The following TNR variants were observed in gnomAD, a reference collection of about 807,000 sequenced individuals.
TNR encodes the protein tenascin R.
A neutral mutation model predicts 150.4 loss-of-function variants in TNR; 45 were observed. The ratio of observed to expected loss-of-function variants is 0.30; its 90% CI spans 0.24 to 0.38. The LOEUF (loss-of-function observed/expected upper bound fraction) is 0.38. Among genes scored for constraint, TNR ranks in the 10% least tolerant of loss-of-function variants. TNR has a pLI of 1.00. For missense variants in TNR, 1,544 were observed against 1,759.1 expected, an observed-to-expected ratio of 0.88 and a Z score of 2.19; for synonymous variants, 687 against 678.4, an observed-to-expected ratio of 1.01 and a Z score of -0.20.
chr1:175,668,689 G>A (rs1014312617), intron 1 of TNR, among the ~76,000 whole-genome samples: 6 of 152,172 alleles, frequency 3.9e-5, no homozygotes, highest in African/African-American at 1.4e-4. Flanking sequence ...CACCTACCGT[G>A]ACCGGCACCA....
intron 1 of TNR, among the ~76,000 whole-genome samples, chr1:175,697,893 G>T (rs1666580445): frequency 6.6e-6 from 1 of 152,168 alleles, no homozygotes; most frequent in South Asian, 2.1e-4. Context: ...GGTGACTAAG[G>T]CTCAGAATGG....
At chr1:175,696,248 A>C (rs1666521141) in intron 1 of TNR, among the ~76,000 whole-genome samples, 1 of 114,632 alleles carries the variant, frequency 8.7e-6, no homozygotes, top group Non-Finnish European at 1.7e-5. Context: ...TTTTTTTCCA[A>C]AATTTAAGGG....
intron 1 of TNR, among the ~76,000 whole-genome samples, chr1:175,638,314 T>C (rs1429017527): frequency 6.6e-6 from 1 of 152,210 alleles, no homozygotes; most frequent in Non-Finnish European, 1.5e-5. Flanking sequence ...ACTGTGGCAC[T>C]CTTGGGCAGG....
chr1:175,514,508 CA>C (rs1273160192), intron 2 of TNR, among the ~76,000 whole-genome samples: 3 of 152,198 alleles, frequency 2.0e-5, no homozygotes, highest in Admixed American at 6.5e-5. Context: ...AACAGGAAAC[CA>C]ATACACAGAT....
intron 19 of TNR, among the ~76,000 whole-genome samples, chr1:175,336,671 T>A (rs961672451): frequency 1.3e-5 from 2 of 152,172 alleles, no homozygotes; most frequent in African/African-American, 4.8e-5. Context: ...GGAAACAGTG[T>A]CTCTCTTTTC....
intron 2 of TNR, among the ~76,000 whole-genome samples, chr1:175,447,559 T>C (rs1174101018): frequency 6.6e-6 from 1 of 152,186 alleles, no homozygotes; most frequent in Non-Finnish European, 1.5e-5. Flanking sequence ...AATCAGCAAA[T>C]TGAAAAGTCT....
rs149305871 is a variant in TNR, at chr1:175,543,451, G to A, written c.-164-15082C>T. On this transcript the variant is annotated intron_variant, in intron 1 of 22. Coordinates refer to ENST00000367674, the MANE Select transcript of TNR (RefSeq NM_003285.3). ...AGTTAGTCCTCCAGCATAGGAAGGG[G>A]ACCTAGAGCCAGAGAGCAGCCAGAG... Among the ~76,000 whole-genome samples, 1,145 of 152,262 alleles carry A rather than the reference G, an allele frequency of 7.5e-3. 6 individuals are homozygous for A. Among genetic ancestry groups the A allele is most frequent in the Non-Finnish European group, 0.014 (922 of 68,032 alleles).
intron 2 of TNR, among the ~76,000 whole-genome samples, chr1:175,497,306 T>A (rs1466881197): frequency 6.6e-6 from 1 of 152,172 alleles, no homozygotes; most frequent in Non-Finnish European, 1.5e-5. Flanking sequence ...GCTTGCCCCA[T>A]CTCCCTCTCT....
chr1:175,625,107 A>G (rs982407579), intron 1 of TNR, among the ~76,000 whole-genome samples: 4 of 152,226 alleles, frequency 2.6e-5, no homozygotes, highest in African/African-American at 9.7e-5. Flanking sequence ...AGGGACCTCT[A>G]CTTACCTGAA....
intron 21 of TNR, among the ~76,000 whole-genome samples, chr1:175,325,767 G>A (rs1202962499): frequency 2.0e-5 from 3 of 151,682 alleles, no homozygotes; most frequent in Non-Finnish European, 2.9e-5. Context: ...CTATCTCAAG[G>A]ACAGAAAACC....
intron 1 of TNR, among the ~76,000 whole-genome samples, chr1:175,567,329 G>C (rs1661684419): frequency 6.6e-6 from 1 of 152,212 alleles, no homozygotes; most frequent in Non-Finnish European, 1.5e-5. Context: ...CCTGAGAGCT[G>C]ACAGTGCTGC....
intron 1 of TNR, among the ~76,000 whole-genome samples, chr1:175,658,952 G>C (rs909094198): frequency 3.2e-4 from 49 of 152,162 alleles, no homozygotes; most frequent in African/African-American, 1.2e-3. Context: ...CTAGACCAGA[G>C]GAAGTTGGCA....
chr1:175,364,130 T>G (rs1367178359), intron 12 of TNR, among the ~76,000 whole-genome samples: 2 of 152,182 alleles, frequency 1.3e-5, no homozygotes, highest in Admixed American at 1.3e-4. Context: ...TATGTTTTGT[T>G]TTGAATTGGG....
At chr1:175,701,736 G>C (rs1181931659) in intron 1 of TNR, among the ~76,000 whole-genome samples, 4 of 152,344 alleles carry the variant, frequency 2.6e-5, no homozygotes, top group African/African-American at 7.2e-5. Context: ...GTGAGAGCAG[G>C]GTTTTCAGCC....
chr1:175,451,910 C>A (rs1656342207), intron 2 of TNR, among the ~76,000 whole-genome samples: 1 of 152,178 alleles, frequency 6.6e-6, no homozygotes, highest in Admixed American at 6.5e-5. Flanking sequence ...CAGGTCTTAC[C>A]TGTCATCTCT....
In TNR at chr1:175,568,682, A is replaced by C. The variant is rs1571618886; in HGVS notation, c.-164-40313T>G. Among the ~76,000 whole-genome samples the C allele has an allele frequency of 3.3e-5, 5 of 152,138 alleles. 1 individual carries two copies. The highest frequency in any genetic ancestry group is 3.3e-4 in the Admixed American group (5 of 15,280). ...TTGCTGGAGCCCTGCAAGTCACTTC[A>C]TCTCTGTTCACGGTTTCTACTGCAA... On this transcript the variant is annotated intron_variant, in intron 1 of 22. Coordinates refer to ENST00000367674, the MANE Select transcript of TNR (RefSeq NM_003285.3).
intron 2 of TNR, among the ~76,000 whole-genome samples, chr1:175,525,496 G>C (rs1659812563): frequency 6.6e-6 from 1 of 152,148 alleles, no homozygotes; most frequent in South Asian, 2.1e-4. Flanking sequence ...TGTAGTTTCT[G>C]ATCAAAGCCA....
At chr1:175,645,723 A>T (rs1434499307) in intron 1 of TNR, among the ~76,000 whole-genome samples, 3 of 152,244 alleles carry the variant, frequency 2.0e-5, no homozygotes, top group Non-Finnish European at 4.4e-5. Flanking sequence ...AGCCAACAAG[A>T]GTCAGGGAGA....
chr1:175,683,485 G>T (rs186706254), intron 1 of TNR, among the ~76,000 whole-genome samples: 1 of 152,152 alleles, frequency 6.6e-6, no homozygotes, highest in Non-Finnish European at 1.5e-5. Flanking sequence ...CTCTGAAAAC[G>T]TCTAAACTGA....
Sources: allele counts gnomAD v4.1 joint callset (sites outside exome capture counted in the v4.1 genomes callset), GRCh38; gene constraint gnomAD v4.1.1; transcripts MANE v1.5; gene names NCBI Gene and HGNC (gene_info 2026-07-23, HGNC 2026-07-21).